Variants in CSNK1A1 observed in about 807,000 individuals in gnomAD.
The protein encoded by CSNK1A1 is casein kinase 1 alpha 1, also known as casein kinase I isoform alpha.
Under a neutral mutation model 46.1 loss-of-function variants are expected in CSNK1A1, and 7 were observed. The ratio of observed to expected loss-of-function variants is 0.15; its 90% CI spans 0.09 to 0.29. The LOEUF (loss-of-function observed/expected upper bound fraction) is 0.29. Ranked by LOEUF, CSNK1A1 falls within the 10% of genes least tolerant of loss-of-function variation. CSNK1A1 has a pLI of 1.00. For synonymous variants in CSNK1A1, 137 were observed against 141.5 expected (o/e 0.97, Z 0.23); for missense variants, 96 against 417.1 (o/e 0.23, Z 6.71).
At chr5:149,528,822 T>C (rs1580845271) in intron 2 of CSNK1A1, among the ~76,000 whole-genome samples, 2 of 152,218 alleles carry the variant, frequency 1.3e-5, no homozygotes, top group African/African-American at 4.8e-5. Context: ...TTTATTTTTA[T>C]TTGAATAGCC....
intron 4 of CSNK1A1, among the ~76,000 whole-genome samples, chr5:149,513,991 T>C (rs1250935384): frequency 6.6e-6 from 1 of 152,104 alleles, no homozygotes; most frequent in East Asian, 1.9e-4. Flanking sequence ...ACTTGTTATC[T>C]ACCCTAAAAG....
intron 2 of CSNK1A1, among the ~76,000 whole-genome samples, chr5:149,542,612 A>ATATATATATATATATATATATGTATG (rs1762285281): frequency 8.7e-5 from 1 of 11,516 alleles, no homozygotes; most frequent in African/African-American, 6.7e-4. Flanking sequence ...ATATATATAT[A>ATATATATATATATATATATATGTATG]TATATATATA....
At position 149,494,371 on chromosome 5, in the gene CSNK1A1, C is replaced by A. The variant is rs1030394699; in HGVS notation, c.*2482G>T. On this transcript the variant is annotated 3_prime_UTR_variant, in exon 10 of 10. Coordinates refer to ENST00000377843, the MANE Select transcript of CSNK1A1 (RefSeq NM_001892.6). ...ATATTCTTTTTTATTTCTTGTTATACCTTCCCAAAACAGAGACATTCAACA... is the reference window on the plus strand; with the variant it reads ...ATATTCTTTTTTATTTCTTGTTATAACTTCCCAAAACAGAGACATTCAACA... 2.0e-5 allele frequency: 3 copies of A among 152,094 alleles called. No homozygotes were observed. Among genetic ancestry groups the A allele is most frequent in the African/African-American group, 7.2e-5 (3 of 41,406 alleles). The allele number at this position is 152,094 out of a possible 1,614,324, so 9.4% of individuals were successfully genotyped here.
At position 149,517,720 on chromosome 5, in the gene CSNK1A1, C is replaced by T. The variant is rs931630584; in HGVS notation, c.456+2570G>A. 13 of 982,274 alleles carry T rather than the reference C, an allele frequency of 1.3e-5. No homozygotes were observed. The African/African-American group carries it at 1.8e-4, about 14-fold the overall frequency. 60.8% of individuals were successfully genotyped at this position (982,274 alleles called of 1,614,324 possible). ...TCCAGAATTAAAACAAAACAAAAAT[C>T]ATCAAAATAAAACAATAAAAAAGAA... On this transcript the variant is annotated intron_variant, in intron 4 of 9. Transcript: ENST00000377843. The surrounding 1 kb of genome is among the most constrained non-coding windows in gnomAD (Gnocchi z 4.4).
chr5:149,523,050 T>TC (rs1393693502), intron 3 of CSNK1A1, among the ~76,000 whole-genome samples: 1 of 151,698 alleles, frequency 6.6e-6, no homozygotes, highest in Non-Finnish European at 1.5e-5. Context: ...AAAGGCTTTT[T>TC]TTTTTTTTGA....
intron 2 of CSNK1A1, among the ~76,000 whole-genome samples, chr5:149,546,960 T>C (rs1030195727): frequency 2.0e-5 from 3 of 152,178 alleles, no homozygotes; most frequent in Admixed American, 2.0e-4. Flanking sequence ...TTTGCTTCAG[T>C]GGAAACAGTT....
At chr5:149,504,481 C>A in intron 9 of CSNK1A1, 1 of 985,422 alleles carries the variant, frequency 1.0e-6, no homozygotes, top group Non-Finnish European at 1.2e-6. Context: ...ATCTTACTTG[C>A]CCACTACTTC....
intron 2 of CSNK1A1, among the ~76,000 whole-genome samples, chr5:149,526,613 T>C (rs2113130599): frequency 1.3e-5 from 2 of 152,322 alleles, no homozygotes; most frequent in South Asian, 4.1e-4. Context: ...GATTTAATCT[T>C]TTAAGAATAT....
At chr5:149,545,697 G>T in intron 2 of CSNK1A1, 1 of 751,142 alleles carries the variant, frequency 1.3e-6, no homozygotes, top group Non-Finnish European at 2.2e-6. Flanking sequence ...GGCCCTTCTT[G>T]TGCTTCTTGG....
Position 149,551,143 on chromosome 5 carries a change from T to C in CSNK1A1, c.-179A>G. ...CAGAGGGGAACCTGATCACCGCCGC[T>C]CAGTCAGGTTTCTTTTTGCCAGGCC... is the stretch of plus-strand genomic sequence containing the variant. On this transcript the variant is annotated 5_prime_UTR_variant, in exon 1 of 10. Transcript: ENST00000377843. The C allele has an allele frequency of 1.8e-6, 1 of 551,074 alleles. No individual in the cohort carries two copies. Among genetic ancestry groups the C allele is most frequent in the African/African-American group, 1.9e-5 (1 of 51,334 alleles). 34.1% of individuals were successfully genotyped at this position (551,074 alleles called of 1,614,324 possible). A position where few individuals can be genotyped will look rare whatever the true frequency, so the allele number is the denominator to read the frequency against.
intron 2 of CSNK1A1, among the ~76,000 whole-genome samples, chr5:149,537,869 T>G (rs532987973): frequency 6.6e-6 from 1 of 151,432 alleles, no homozygotes; most frequent in African/African-American, 2.4e-5. Context: ...AGTAAACATT[T>G]ATGTCCTCAC....
At chr5:149,513,714 A>C (rs1216032440) in intron 4 of CSNK1A1, among the ~76,000 whole-genome samples, 1 of 152,128 alleles carries the variant, frequency 6.6e-6, no homozygotes, top group Non-Finnish European at 1.5e-5. Flanking sequence ...AGCCTGACCA[A>C]ACATGGCAAA....
intron 5 of CSNK1A1, among the ~76,000 whole-genome samples, chr5:149,512,540 T>C (rs983008331): frequency 1.3e-5 from 2 of 152,244 alleles, no homozygotes; most frequent in East Asian, 3.9e-4. Context: ...CTCGAAACTC[T>C]AGAACTCATG....
intron 7 of CSNK1A1, among the ~76,000 whole-genome samples, chr5:149,507,808 C>G (rs1580823988): frequency 6.6e-6 from 1 of 152,130 alleles, no homozygotes; most frequent in Admixed American, 6.6e-5. Context: ...GATATTCTAC[C>G]TAGTATATAC....
intron 4 of CSNK1A1, among the ~76,000 whole-genome samples, chr5:149,516,814 G>A (rs1252258307): frequency 3.3e-5 from 5 of 151,990 alleles, no homozygotes; most frequent in Non-Finnish European, 5.9e-5. Flanking sequence ...TTTAATAGCT[G>A]GAGGTGGTTC....
intron 3 of CSNK1A1, among the ~76,000 whole-genome samples, chr5:149,520,667 A>G (rs1480845197): frequency 6.6e-6 from 1 of 152,216 alleles, no homozygotes; most frequent in Non-Finnish European, 1.5e-5. Flanking sequence ...TTTTCAAATA[A>G]TAAAAGGAAT....
chr5:149,498,040 G>A, intron 9 of CSNK1A1: 1 of 812,308 alleles, frequency 1.2e-6, no homozygotes, highest in Admixed American at 6.2e-5. Flanking sequence ...CACTGTGTTG[G>A]CCAGGCTGGT....
At position 149,551,011 on chromosome 5, in the gene CSNK1A1, G is replaced by A; in HGVS notation, c.-47C>T. ...CTGGGGCCAAGCCCCGACACCTCTGGGAAGAGGACGGAGGCCTCGGGGCTC... is the reference window on the plus strand; with the variant it reads ...CTGGGGCCAAGCCCCGACACCTCTGAGAAGAGGACGGAGGCCTCGGGGCTC... On this transcript the variant is annotated 5_prime_UTR_variant, in exon 1 of 10. Transcript: ENST00000377843. 6.2e-7 allele frequency: 1 copy of A among 1,610,486 alleles called. No individual in the cohort carries two copies. Among genetic ancestry groups the A allele is most frequent in the Non-Finnish European group, 8.5e-7 (1 of 1,178,688 alleles).
In CSNK1A1 at chr5:149,503,074, C is replaced by T. The variant is rs528891507; in HGVS notation, c.1006+2373G>A. 3.2e-5 allele frequency: 32 copies of T among 985,346 alleles called. No homozygotes were observed. The African/African-American group carries it at 5.2e-4, about 16-fold the overall frequency. 61.0% of individuals were successfully genotyped at this position (985,346 alleles called of 1,614,324 possible). A position where few individuals can be genotyped will look rare whatever the true frequency, so the allele number is the denominator to read the frequency against. The stretch of plus-strand genomic sequence containing the variant: ...AGCCACTGCACCCAGCTGAGTTATT[C>T]CTTAAATAAAGAACCACTATAGTGG... On this transcript the variant is annotated intron_variant, in intron 9 of 9. Coordinates refer to ENST00000377843, the MANE Select transcript of CSNK1A1 (RefSeq NM_001892.6).
Sources: allele counts gnomAD v4.1 joint callset (sites outside exome capture counted in the v4.1 genomes callset), GRCh38; gene constraint gnomAD v4.1.1; non-coding constraint Gnocchi (gnomAD v3.1); transcripts MANE v1.5; gene names NCBI Gene and HGNC (gene_info 2026-07-23, HGNC 2026-07-21).